ANXA2: variants seen among roughly 807,000 people sequenced by gnomAD.
The protein encoded by ANXA2 is annexin II.
A neutral mutation model predicts 47.3 loss-of-function variants in ANXA2; 28 were observed. That is an observed-to-expected ratio of 0.59 (90% CI 0.44 to 0.81). The LOEUF is 0.81. ANXA2 is among the 40% of genes least tolerant of loss of function. ANXA2 has a pLI of 0.00. For synonymous variants in ANXA2, 172 were observed against 155.5 expected, an observed-to-expected ratio of 1.11 and a Z score of -0.79; for missense variants, 384 against 414.3, an observed-to-expected ratio of 0.93 and a Z score of 0.64.
intron 3 of ANXA2, among the ~76,000 whole-genome samples, chr15:60,378,212 T>C (rs1326106920): frequency 6.6e-6 from 1 of 152,198 alleles, no homozygotes; most frequent in Non-Finnish European, 1.5e-5. Flanking sequence ...AAATGAGTGT[T>C]AGGGAAGTTA....
intron 5 of ANXA2, among the ~76,000 whole-genome samples, chr15:60,360,619 T>C (rs1241922045): frequency 6.6e-6 from 1 of 152,196 alleles, no homozygotes; most frequent in Non-Finnish European, 1.5e-5. Context: ...TTTTCTTGCC[T>C]TAATATCACA....
At chr15:60,366,961 C>A (rs2062625011) in intron 3 of ANXA2, among the ~76,000 whole-genome samples, 2 of 88,872 alleles carry the variant, frequency 2.3e-5, no homozygotes, top group Non-Finnish European at 4.6e-5. Flanking sequence ...CCGCCCCGTC[C>A]GGGAGGGAGG....
At chr15:60,367,759 T>G (rs1330185216) in intron 3 of ANXA2, among the ~76,000 whole-genome samples, 2 of 94,360 alleles carry the variant, frequency 2.1e-5, no homozygotes, top group African/African-American at 9.5e-5. Flanking sequence ...CGGCCGCCCC[T>G]ACTGGGAAGT....
chr15:60,379,782 C>G lies in ANXA2; in HGVS notation c.148+2560G>C, dbSNP rs576266008. Among the ~76,000 whole-genome samples, 9 of 152,298 alleles carry G rather than the reference C, an allele frequency of 5.9e-5. No homozygotes were observed. The East Asian group carries it at 1.7e-3, about 29-fold the overall frequency. ...ATAATGTCAGCTGCTTTTGATCAAACTGGAATGTCGGAATCTAAATCTTAG... is the reference window on the plus strand; with the variant it reads ...ATAATGTCAGCTGCTTTTGATCAAAGTGGAATGTCGGAATCTAAATCTTAG... On this transcript the variant is annotated intron_variant, in intron 3 of 12. Coordinates refer to ENST00000451270, the MANE Select transcript of ANXA2 (RefSeq NM_004039.3).
At position 60,352,465 on chromosome 15, in the gene ANXA2, G is replaced by A. The variant is rs138364945; in HGVS notation, c.600C>T (p.Asp200=). 1,374 of 1,612,818 alleles carry A rather than the reference G, an allele frequency of 8.5e-4. No individual in the cohort carries two copies. The highest frequency in any genetic ancestry group is 1.1e-3 in the Admixed American group (65 of 59,992). ...LIDQDARDLY[D]AGVKRKGTDV... is the part of the protein sequence containing the mutation. Reference sequence around the variant, plus strand: ...CAGTTCCTTTCCTCTTCACTCCAGCGTCATAGAGATCCTACGAGTACAACC... The same window carrying A: ...CAGTTCCTTTCCTCTTCACTCCAGCATCATAGAGATCCTACGAGTACAACC... Residue 200 remains aspartate (D), a synonymous_variant, in exon 9 of 13, where the codon GAC becomes GAT. Coordinates refer to ENST00000451270, the MANE Select transcript of ANXA2 (RefSeq NM_004039.3). The surrounding 1 kb of genome is among the most constrained non-coding windows in gnomAD (Gnocchi z 4.2).
At chr15:60,382,722 T>C (rs2062880193) in intron 2 of ANXA2, 1 of 248,698 alleles carries the variant, frequency 4.0e-6, no homozygotes, top group African/African-American at 2.2e-5. Context: ...AATGCAAAGC[T>C]GGAGACCTGA....
At chr15:60,375,367 T>C (rs1334983692) in intron 3 of ANXA2, among the ~76,000 whole-genome samples, 3 of 152,204 alleles carry the variant, frequency 2.0e-5, no homozygotes, top group African/African-American at 7.2e-5. Context: ...TACCAGTTTA[T>C]TGGCACTTAC....
At chr15:60,393,810 C>T (rs962566060) in intron 1 of ANXA2, among the ~76,000 whole-genome samples, 1 of 152,180 alleles carries the variant, frequency 6.6e-6, no homozygotes, top group Non-Finnish European at 1.5e-5. Context: ...ACTTAACTCC[C>T]TCCTGTTTCC....
At chr15:60,382,299 C>T in intron 3 of ANXA2, 43 bp downstream of exon 3, 1 of 1,491,268 alleles carries the variant, frequency 6.7e-7, no homozygotes, top group Non-Finnish European at 9.4e-7. Flanking sequence ...CCAAAAATGT[C>T]TCAGTAAGAC....
intron 4 of ANXA2, 106 bp downstream of exon 4, chr15:60,364,321 CCA>C: frequency 4.8e-6 from 4 of 833,136 alleles, no homozygotes; most frequent in Non-Finnish European, 7.9e-6. Context: ...TCCAAGGGTC[CCA>C]CAAGTCTTTT....
intron 2 of ANXA2, chr15:60,384,640 G>A (rs1200023705): frequency 2.6e-5 from 4 of 152,122 alleles, no homozygotes; most frequent in African/African-American, 9.7e-5. Flanking sequence ...ACTTCAACAT[G>A]CAGTTTGTAT....
At chr15:60,388,213 A>G (rs952558582) in intron 1 of ANXA2, among the ~76,000 whole-genome samples, 1 of 152,142 alleles carries the variant, frequency 6.6e-6, no homozygotes, top group African/African-American at 2.4e-5. Context: ...ACAATTTAGA[A>G]TAGTCTTGCT....
intron 3 of ANXA2, among the ~76,000 whole-genome samples, chr15:60,374,941 T>G (rs1353890603): frequency 6.6e-6 from 1 of 152,208 alleles, no homozygotes; most frequent in Non-Finnish European, 1.5e-5. Flanking sequence ...CTGCTCTTGT[T>G]GGTTTAGCTC....
intron 12 of ANXA2, among the ~76,000 whole-genome samples, chr15:60,348,446 T>C (rs981871017): frequency 6.6e-6 from 1 of 152,132 alleles, no homozygotes; most frequent in Admixed American, 6.5e-5. Flanking sequence ...AACCAATGCA[T>C]AATAAAAGTA....
In ANXA2 at chr15:60,351,730, T is replaced by G; in HGVS notation, c.772A>C (p.Asn258His). ...GGGGGCCACATTCACTTACCCAGGTTCAGGAAAGCATTTTCCAGGTCTCCT... is the reference window on the plus strand; with the variant it reads ...GGGGGCCACATTCACTTACCCAGGTGCAGGAAAGCATTTTCCAGGTCTCCT... ...VKGDLENAFL[N>H]LVQCIQNKPL... is the part of the protein sequence containing the mutation. Residue 258 changes from asparagine (N) to histidine (H), a missense_variant, in exon 10 of 13, where the codon AAC becomes CAC. By Grantham distance (68) the Asn-to-His change is moderately conservative (BLOSUM62 1). Transcript: ENST00000451270. 3 of 1,609,466 alleles carry G rather than the reference T, an allele frequency of 1.9e-6. No individual in the cohort carries two copies. Among genetic ancestry groups the G allele is most frequent in the Non-Finnish European group, 2.6e-6 (3 of 1,175,768 alleles).
Position 60,352,625 on chromosome 15 carries a change from AT to A in ANXA2, c.589-150del. The A allele has an allele frequency of 1.5e-6, 1 of 645,186 alleles. No homozygotes were observed. 40.0% of individuals were successfully genotyped at this position (645,186 alleles called of 1,614,324 possible). A position where few individuals can be genotyped will look rare whatever the true frequency, so the allele number is the denominator to read the frequency against. ...CTGCAGACATGGGCAGAGACCTACTATTTAGGTCAAAAGTCTTAATCACAAG... is the reference window on the plus strand; with the variant it reads ...CTGCAGACATGGGCAGAGACCTACTATTAGGTCAAAAGTCTTAATCACAAG... On this transcript the variant is annotated intron_variant, in intron 8 of 12. Transcript: ENST00000451270. This position sits in a 1 kb window ranked among gnomAD's most constrained non-coding sequence, Gnocchi z 4.2.
chr15:60,368,447 A>G (rs1190401065), intron 3 of ANXA2, among the ~76,000 whole-genome samples: 2 of 152,158 alleles, frequency 1.3e-5, no homozygotes, highest in Non-Finnish European at 2.9e-5. Flanking sequence ...TGTGTCCAAT[A>G]AGAGGCTGAT....
chr15:60,381,793 A>G (rs970489379), intron 3 of ANXA2, among the ~76,000 whole-genome samples: 1 of 152,142 alleles, frequency 6.6e-6, no homozygotes, highest in Non-Finnish European at 1.5e-5. Flanking sequence ...ATGTAATTAA[A>G]TTAAAGGGGA....
intron 12 of ANXA2, among the ~76,000 whole-genome samples, chr15:60,348,745 CAAAAA>C (rs35692360): frequency 8.3e-6 from 1 of 119,830 alleles, no homozygotes; most frequent in African/African-American, 3.2e-5. Context: ...GACTCCGTCT[CAAAAA>C]AAAAAAAAAA....
Sources: allele counts gnomAD v4.1 joint callset (sites outside exome capture counted in the v4.1 genomes callset), GRCh38; gene constraint gnomAD v4.1.1; non-coding constraint Gnocchi (gnomAD v3.1); transcripts MANE v1.5; gene names NCBI Gene and HGNC (gene_info 2026-07-23, HGNC 2026-07-21).